The following METTL25B variants were observed in gnomAD, a reference collection of about 807,000 sequenced individuals.
METTL25B encodes the protein methyltransferase like 25B.
METTL25B carries 38 observed loss-of-function variants against 48.4 expected under a neutral mutation model. The ratio of observed to expected loss-of-function variants is 0.78; its 90% CI spans 0.61 to 1.03. METTL25B has a LOEUF of 1.03. METTL25B is among the 50% of genes least tolerant of loss of function. The pLI is 0.00. For synonymous variants in METTL25B, 230 were observed against 254.5 expected (o/e 0.90, Z 0.92); for missense variants, 537 against 603.7 (o/e 0.89, Z 1.16).
chr1:156,733,667 C>T lies in METTL25B; in HGVS notation c.636+147C>T, dbSNP rs559344582. 3.2e-5 allele frequency: 27 copies of T among 842,266 alleles called. No individual in the cohort carries two copies. The East Asian group carries it at 5.5e-4, about 17-fold the overall frequency. The allele number at this position is 842,266 out of a possible 1,614,324, so 52.2% of individuals were successfully genotyped here. A position where few individuals can be genotyped will look rare whatever the true frequency, so the allele number is the denominator to read the frequency against. On this transcript the variant is annotated intron_variant, in intron 5 of 7. Transcript: ENST00000368216. ...CTATTACCTCTTTCCCAAGGTTGCC[C>T]TTTCCCCAGTGCCTCCCTGTATCTC...
rs1649362186 is a variant in METTL25B at position 156,732,274 on chromosome 1, A to G, written c.237-7A>G. Reference sequence around the variant, plus strand: ...ATTCACTGGAGGCCTCGGCTGGACTATCTCAGGTACAGGTCAGTGTGGCCA... The same window carrying G: ...ATTCACTGGAGGCCTCGGCTGGACTGTCTCAGGTACAGGTCAGTGTGGCCA... On this transcript the variant is annotated splice_polypyrimidine_tract_variant and splice_region_variant and intron_variant, in intron 2 of 7. Coordinates refer to ENST00000368216, the MANE Select transcript of METTL25B (RefSeq NM_015997.4). 1 of 1,613,596 alleles carries G rather than the reference A, an allele frequency of 6.2e-7. No homozygotes were observed. Among genetic ancestry groups the G allele is most frequent in the Admixed American group, 1.7e-5 (1 of 59,996 alleles).
chr1:156,735,715 G>A lies in METTL25B; in HGVS notation c.1122-10G>A. 6.3e-7 allele frequency: 1 copy of A among 1,591,356 alleles called. No individual in the cohort carries two copies. The highest frequency in any genetic ancestry group is 8.6e-7 in the Non-Finnish European group (1 of 1,165,614). On this transcript the variant is annotated splice_polypyrimidine_tract_variant and intron_variant, in intron 6 of 7. Transcript: ENST00000368216. ...ACCAAACTGAGTGCTGAATGTGACT[G>A]ATCCCACAGATATGTGCAGCGGGGG...
chr1:156,730,958 T>C (rs916244545), intron 1 of METTL25B, among the ~76,000 whole-genome samples: 2 of 152,240 alleles, frequency 1.3e-5, no homozygotes, highest in African/African-American at 4.8e-5. Context: ...TGTATTTTCT[T>C]TACATGCCTA....
intron 1 of METTL25B, 43 bp downstream of exon 1, chr1:156,729,258 G>A (rs1319261280): frequency 8.3e-7 from 1 of 1,208,014 alleles, no homozygotes; most frequent in Non-Finnish European, 1.2e-6. Context: ...TGGTCGTGTG[G>A]TTGGCTAGGT....
Position 156,736,728 on chromosome 1 carries a change from C to G in METTL25B, c.1403C>G (p.Ser468Cys). Residue 468 changes from serine to cysteine, a missense_variant, in exon 8 of 8, where the codon TCT becomes TGT. Physicochemically the swap from Ser to Cys is moderately radical, Grantham distance 112. Coordinates refer to ENST00000368216, the MANE Select transcript of METTL25B (RefSeq NM_015997.4). ...AAGATGCCCCTGGGTCAGGCTCTTT[C>G]TGTTCTGGAGACTGAAGACAGCTGA... is the stretch of plus-strand genomic sequence containing the variant. The part of the protein sequence containing the change: ...ATKMPLGQAL[S>C]VLETEDS The G allele has an allele frequency of 6.2e-7, 1 of 1,613,136 alleles. No individual in the cohort carries two copies. The highest frequency in any genetic ancestry group is 1.1e-5 in the South Asian group (1 of 91,074).
chr1:156,734,667 G>A (rs537964234), intron 6 of METTL25B, among the ~76,000 whole-genome samples, 174 bp downstream of exon 6: 2 of 151,664 alleles, frequency 1.3e-5, no homozygotes, highest in South Asian at 2.1e-4. Context: ...GAGTAGCTGG[G>A]ACTACAGGTG....
intron 6 of METTL25B, 43 bp downstream of exon 6, chr1:156,734,536 CTT>C (rs746525460): frequency 8.6e-4 from 1,021 of 1,183,490 alleles, no homozygotes; most frequent in Non-Finnish European, 9.2e-4. Flanking sequence ...GAGGAGATTT[CTT>C]TTTTTTTTTT....
rs751022803 is a variant in METTL25B, at chr1:156,735,815, C to T, written c.1212C>T (p.Asn404=). 2 of 1,612,808 alleles carry T rather than the reference C, an allele frequency of 1.2e-6. No individual in the cohort carries two copies. The highest frequency in any genetic ancestry group is 1.7e-5 in the Admixed American group (1 of 59,816). The part of the protein sequence containing the change: ...AALQAHVAQE[N]RVVAFFSLAL... ...TTCAGGCCCACGTGGCCCAGGAGAA[C>T]CGTGTGGTGGCCTTCTTCAGCCTGG... is the stretch of plus-strand genomic sequence containing the variant. Residue 404 remains asparagine, a synonymous_variant, in exon 7 of 8, where the codon AAC becomes AAT. Transcript: ENST00000368216.
At position 156,736,913 on chromosome 1, in the gene METTL25B, A is replaced by G; in HGVS notation, c.*160A>G. On this transcript the variant is annotated 3_prime_UTR_variant, in exon 8 of 8. Coordinates refer to ENST00000368216, the MANE Select transcript of METTL25B (RefSeq NM_015997.4). Reference sequence around the variant, plus strand: ...TCTCCTTCCATGGATTATGTAATACATTGTAAAGTTTTAATTAATTAAAAA... The same window carrying G: ...TCTCCTTCCATGGATTATGTAATACGTTGTAAAGTTTTAATTAATTAAAAA... 1.5e-6 allele frequency: 1 copy of G among 657,612 alleles called. No homozygotes were observed. The highest frequency in any genetic ancestry group is 2.5e-6 in the Non-Finnish European group (1 of 403,238). 40.7% of individuals were successfully genotyped at this position (657,612 alleles called of 1,614,324 possible). A position where few individuals can be genotyped will look rare whatever the true frequency, so the allele number is the denominator to read the frequency against.
chr1:156,731,970 G>C, intron 1 of METTL25B, 21 bp from the exon 2 acceptor site: 6 of 1,613,762 alleles, frequency 3.7e-6, no homozygotes, highest in Non-Finnish European at 5.1e-6. Context: ...CTTGCTGATG[G>C]CTTCTCCCCT....
Position 156,734,430 on chromosome 1 carries a change from G to A in METTL25B, c.1058G>A (p.Arg353Gln), listed in dbSNP as rs759685694. 63 of 1,607,960 alleles carry A rather than the reference G, an allele frequency of 3.9e-5. No individual in the cohort carries two copies. The South Asian group carries it at 4.4e-4, about 11-fold the overall frequency. ...AALETVIRRA[R>Q]PELRRPGVQG... ...CTGGAGACAGTCATCCGACGGGCCC[G>A]GCCCGAGCTCCGTCGGCCAGGCGTG... The change falls in exon 6 of 8, where the codon CGG becomes CAG. Residue 353 changes from arginine to glutamine, a missense_variant. Arg to Gln is a conservative substitution (Grantham distance 43). Coordinates refer to ENST00000368216, the MANE Select transcript of METTL25B (RefSeq NM_015997.4).
At chr1:156,735,616 G>T in intron 6 of METTL25B, 109 bp from the exon 7 acceptor site, 1 of 476,058 alleles carries the variant, frequency 2.1e-6, no homozygotes. Context: ...ACGCATATTG[G>T]GGTAGAAAAT....
chr1:156,734,900 A>C (rs1649621623), intron 6 of METTL25B, among the ~76,000 whole-genome samples: 1 of 151,974 alleles, frequency 6.6e-6, no homozygotes, highest in African/African-American at 2.4e-5. Flanking sequence ...ATCTAAGTAT[A>C]CCCAGAGGAA....
Position 156,732,390 on chromosome 1 carries a change from C to T in METTL25B, c.346C>T (p.Pro116Ser), listed in dbSNP as rs776346126. The change falls in exon 3 of 8, where the codon CCC becomes TCC. Residue 116 changes from proline (P) to serine (S), a missense_variant. Transcript: ENST00000368216. ...GACCCCCTCAGAATTCCTGGAGAACCCCAGCCAGAGCTCCCGACTAACAGC... is the reference window on the plus strand; with the variant it reads ...GACCCCCTCAGAATTCCTGGAGAACTCCAGCCAGAGCTCCCGACTAACAGC... ...FQTPSEFLEN[P>S]SQSSRLTAPF... The T allele has an allele frequency of 6.2e-7, 1 of 1,614,194 alleles. No homozygotes were observed. The highest frequency in any genetic ancestry group is 8.5e-7 in the Non-Finnish European group (1 of 1,180,044).
chr1:156,734,306 T>C lies in METTL25B; in HGVS notation c.934T>C (p.Tyr312His), dbSNP rs201254942. Residue 312 changes from tyrosine (Y) to histidine (H), a missense_variant, in exon 6 of 8, where the codon TAC (tyrosine) becomes CAC (histidine). By Grantham distance (83) the Tyr-to-His change is moderately conservative. Coordinates refer to ENST00000368216, the MANE Select transcript of METTL25B (RefSeq NM_015997.4). ...TGGGCTGCCTGGCTATGAACTGCCCTACCGGCTTCGGGAGGGGGCCTGCCA... is the reference window on the plus strand; with the variant it reads ...TGGGCTGCCTGGCTATGAACTGCCCCACCGGCTTCGGGAGGGGGCCTGCCA... ...VAGLPGYELPYRLREGACHAL... is the reference protein window; with the variant it reads ...VAGLPGYELPHRLREGACHAL... 3.0e-5 allele frequency: 49 copies of C among 1,614,110 alleles called. 1 individual carries two copies. In the Admixed American group the frequency reaches 4.0e-4, roughly 13 times the overall value.
rs1225764767 is a variant in METTL25B, at chr1:156,736,638, A to G, written c.1313A>G (p.His438Arg). 2 of 1,614,058 alleles carry G rather than the reference A, an allele frequency of 1.2e-6. No individual in the cohort carries two copies. The highest frequency in any genetic ancestry group is 2.2e-5 in the East Asian group (1 of 44,880). ...RLLYLQEQGFHAELLPIFSPE... is the reference protein window; with the variant it reads ...RLLYLQEQGFRAELLPIFSPE... ...ATTAAGCCCTTTCTCCCAGGTTTCC[A>G]TGCTGAGCTCCTGCCCATCTTCAGT... The change falls in exon 8 of 8, where the codon CAT becomes CGT. Residue 438 changes from histidine to arginine, a missense_variant. His to Arg is a conservative substitution (Grantham distance 29). Transcript: ENST00000368216.
rs1042536548 is a variant in METTL25B at position 156,728,917 on chromosome 1, TG to T, written c.-182del. The T allele has an allele frequency of 1.7e-5, 10 of 576,240 alleles. No individual in the cohort carries two copies. The highest frequency in any genetic ancestry group is 2.3e-5 in the Non-Finnish European group (8 of 351,400). The allele number at this position is 576,240 out of a possible 1,614,324, so 35.7% of individuals were successfully genotyped here. On this transcript the variant is annotated 5_prime_UTR_variant, in exon 1 of 8. Transcript: ENST00000368216. ...GTGAAACGTCGCGACCTGTGACGTC[TG>T]GGGGGCGCCTCAAATCTTCCACTCC...
Position 156,728,535 on chromosome 1 carries a change from C to T in METTL25B, c.-570C>T. On this transcript the variant is annotated 5_prime_UTR_variant, in exon 1 of 8. Transcript: ENST00000368216. Reference sequence around the variant, plus strand: ...AGAACGCGCCAGAGGTCGGCGCGCGCACACCCGCACCGCCCCGACCCCAGG... The same window carrying T: ...AGAACGCGCCAGAGGTCGGCGCGCGTACACCCGCACCGCCCCGACCCCAGG... 1 of 985,514 alleles carries T rather than the reference C, an allele frequency of 1.0e-6. No homozygotes were observed. The allele number at this position is 985,514 out of a possible 1,614,324, so 61.0% of individuals were successfully genotyped here.
At chr1:156,730,532 T>C (rs970428506) in intron 1 of METTL25B, among the ~76,000 whole-genome samples, 1 of 151,860 alleles carries the variant, frequency 6.6e-6, no homozygotes, top group East Asian at 1.9e-4. Context: ...GAGACCAGCC[T>C]GGGCAACACG....
Sources: gnomAD v4.1 joint callset for allele counts (sites outside exome capture counted in the v4.1 genomes callset) on GRCh38, gnomAD v4.1.1 for gene constraint, MANE v1.5 for transcripts, NCBI Gene and HGNC (gene_info 2026-07-23, HGNC 2026-07-21) for gene names.